Variants in TSC2 observed in about 807,000 individuals in gnomAD.
TSC2 encodes the protein TSC complex subunit 2, also known as tuberin.
A neutral mutation model predicts 202.2 loss-of-function variants in TSC2; 29 were observed. The observed-to-expected ratio is 0.14, with a 90% confidence interval of 0.11 to 0.20. TSC2 has a LOEUF of 0.20. Among genes scored for constraint, TSC2 ranks in the 10% least tolerant of loss-of-function variants. The pLI, the probability that TSC2 is intolerant of heterozygous loss-of-function variation, is 1.00. For missense variants in TSC2, 2,429 were observed against 2,420.0 expected, an observed-to-expected ratio of 1.00 and a Z score of -0.08; for synonymous variants, 1,349 against 1,044.0, an observed-to-expected ratio of 1.29 and a Z score of -5.63.
chr16:2,054,057 T>G (rs2085465255), intron 4 of TSC2: 1 of 596,564 alleles, frequency 1.7e-6, no homozygotes, highest in East Asian at 2.9e-5. Flanking sequence ...CGCCACCCGC[T>G]GTGCCAGGTC....
chr16:2,048,524 C>G, intron 1 of TSC2, 63 bp from the exon 2 acceptor site: 1 of 1,601,816 alleles, frequency 6.2e-7, no homozygotes, highest in Non-Finnish European at 8.5e-7. Context: ...GCTGGAGGTC[C>G]GCAGTGGGGA....
At chr16:2,063,732 C>T in intron 14 of TSC2, 1 of 235,968 alleles carries the variant, frequency 4.2e-6, no homozygotes, top group South Asian at 5.9e-5. Context: ...CTAAGGGCCT[C>T]CTGGAAGTTC....
intron 26 of TSC2, 148 bp from the exon 27 acceptor site, chr16:2,078,884 C>T (rs2089760424): frequency 1.0e-6 from 1 of 992,222 alleles, no homozygotes; most frequent in South Asian, 1.4e-5. Flanking sequence ...GATTCTCAAG[C>T]TGAGGCTCGC....
chr16:2,055,762 G>C (rs2085726221), intron 6 of TSC2: 2 of 487,460 alleles, frequency 4.1e-6, no homozygotes, highest in Non-Finnish European at 7.5e-6. Context: ...ATGGTGGTGG[G>C]AGCCTGTAAT....
intron 17 of TSC2, 78 bp from the exon 18 acceptor site, chr16:2,071,432 G>C: frequency 6.7e-7 from 1 of 1,481,546 alleles, no homozygotes; most frequent in East Asian, 2.3e-5. Flanking sequence ...GCTGGACGTG[G>C]GTCTGAGCAG....
chr16:2,084,174 G>C (rs1236025030), intron 33 of TSC2, 54 bp from the exon 34 acceptor site: 9 of 1,550,776 alleles, frequency 5.8e-6, no homozygotes, highest in Non-Finnish European at 7.8e-6. Context: ...TCAACCCCAG[G>C]TGGGCTCGAG....
intron 13 of TSC2, 31 bp downstream of exon 13, chr16:2,062,631 C>T: frequency 1.3e-6 from 2 of 1,572,838 alleles, no homozygotes; most frequent in Non-Finnish European, 1.7e-6. Flanking sequence ...TTGCCTGGCA[C>T]CTGGAGCCTG....
chr16:2,052,374 A>G (rs539076634), intron 3 of TSC2, among the ~76,000 whole-genome samples: 3 of 152,002 alleles, frequency 2.0e-5, no homozygotes, highest in South Asian at 2.1e-4. Context: ...CAGTGTCACA[A>G]TCATGGCTCA....
intron 30 of TSC2, chr16:2,080,701 G>A (rs371126578): frequency 2.7e-5 from 9 of 336,550 alleles, no homozygotes; most frequent in African/African-American, 8.5e-5. Flanking sequence ...AGCCAGGATG[G>A]TCTCAATCTC....
chr16:2,052,884 G>A (rs1415207277), intron 3 of TSC2, among the ~76,000 whole-genome samples: 3 of 152,178 alleles, frequency 2.0e-5, no homozygotes, highest in Non-Finnish European at 4.4e-5. Context: ...GGGGCATGGG[G>A]TCGAGGGCCC....
At position 2,054,322 on chromosome 16, in the gene TSC2, C is replaced by T. The variant is rs45517106; in HGVS notation, c.363C>T (p.Ala121=). Residue 121 remains alanine (A), a synonymous_variant, in exon 5 of 42, where the codon GCC becomes GCT. Coordinates refer to ENST00000219476, the MANE Select transcript of TSC2 (RefSeq NM_000548.5). The stretch of plus-strand genomic sequence containing the variant: ...GCGAGCGTTTGGGGGTCCTCAGAGC[C>T]CTCTTCTTTAAGGTCATCAAGGATT... ...GQGERLGVLR[A]LFFKVIKDYP... The T allele has an allele frequency of 5.5e-5, 88 of 1,614,190 alleles. No individual in the cohort carries two copies. In the Middle Eastern group the frequency reaches 6.6e-4, roughly 12 times the overall value.
chr16:2,053,859 G>C, intron 4 of TSC2: 1 of 485,066 alleles, frequency 2.1e-6, no homozygotes. Context: ...AGGCCTCTTG[G>C]TGTTCCTGCC....
intron 1 of TSC2, 95 bp from the exon 2 acceptor site, chr16:2,048,492 C>T (rs2084644350): frequency 3.3e-6 from 5 of 1,499,530 alleles, no homozygotes; most frequent in East Asian, 2.3e-5. Context: ...GTTATGCCCA[C>T]CAGAGACCCA....
chr16:2,082,542 G>A lies in TSC2; in HGVS notation c.3883+38G>A, dbSNP rs748163256. On this transcript the variant is annotated intron_variant, in intron 32 of 41. Coordinates refer to ENST00000219476, the MANE Select transcript of TSC2 (RefSeq NM_000548.5). Reference sequence around the variant, plus strand: ...AGAGGGAAGCGGTTGGCTGCAGAGCGCCACTCTGCCTCATAGGTGCTGTGC... The same window carrying A: ...AGAGGGAAGCGGTTGGCTGCAGAGCACCACTCTGCCTCATAGGTGCTGTGC... The A allele has an allele frequency of 1.9e-5, 31 of 1,602,124 alleles. No homozygotes were observed. Among genetic ancestry groups the A allele is most frequent in the East Asian group, 1.8e-4 (8 of 44,868 alleles).
rs45517301 is a variant in TSC2, at chr16:2,080,383, G to A, written c.3610+6G>A. The A allele has an allele frequency of 7.0e-4, 1,121 of 1,610,850 alleles. 1 individual carries two copies. Among genetic ancestry groups the A allele is most frequent in the Non-Finnish European group, 8.3e-4 (984 of 1,179,800 alleles). ...CCTGGTCCGGAGGCCCACAGGTACTGGGCGGGGCTGGCCTGAGCGCCATCT... is the reference window on the plus strand; with the variant it reads ...CCTGGTCCGGAGGCCCACAGGTACTAGGCGGGGCTGGCCTGAGCGCCATCT... On this transcript the variant is annotated splice_donor_region_variant and intron_variant, in intron 30 of 41. Transcript: ENST00000219476.
intron 26 of TSC2, chr16:2,078,660 G>A: frequency 2.8e-6 from 1 of 363,112 alleles, no homozygotes; most frequent in Non-Finnish European, 5.3e-6. Context: ...GCTTGCCGGA[G>A]GCAGCCTGCG....
At chr16:2,056,608 G>T (rs1343417581) in intron 7 of TSC2, 36 bp from the exon 8 acceptor site, 1 of 1,603,852 alleles carries the variant, frequency 6.2e-7, no homozygotes, top group South Asian at 1.1e-5. Context: ...GAGGAGCTGG[G>T]GTAGGACGGG....
At chr16:2,075,525 CAAAAAAAAAAA>C (rs933350142) in intron 22 of TSC2, among the ~76,000 whole-genome samples, 7 of 27,288 alleles carry the variant, frequency 2.6e-4, no homozygotes, top group African/African-American at 3.8e-4. Flanking sequence ...AGACTCATCT[CAAAAAAAAAAA>C]AAAAAAAAAA....
At chr16:2,058,935 C>T in intron 10 of TSC2, 62 bp downstream of exon 10, 2 of 1,571,338 alleles carry the variant, frequency 1.3e-6, no homozygotes, top group South Asian at 2.3e-5. Context: ...CACGCCTGCC[C>T]ACCCATCCCA....
Sources: allele counts gnomAD v4.1 joint callset (sites outside exome capture counted in the v4.1 genomes callset), GRCh38; gene constraint gnomAD v4.1.1; transcripts MANE v1.5; gene names NCBI Gene and HGNC (gene_info 2026-07-23, HGNC 2026-07-21).